PTDSS1: variants seen among roughly 807,000 people sequenced by gnomAD.
The protein encoded by PTDSS1 is phosphatidylserine synthase 1.
A neutral mutation model predicts 70.5 loss-of-function variants in PTDSS1; 45 were observed. The observed-to-expected ratio is 0.64, with a 90% CI of 0.50 to 0.82. The LOEUF (loss-of-function observed/expected upper bound fraction) is 0.82, where lower values mean the gene tolerates loss of function less well. PTDSS1 is among the 40% of genes least tolerant of loss of function. The pLI is 0.00. For missense variants in PTDSS1, 417 were observed against 586.1 expected (o/e 0.71, Z 2.98); for synonymous variants, 188 against 203.8 (o/e 0.92, Z 0.66).
intron 2 of PTDSS1, among the ~76,000 whole-genome samples, chr8:96,279,592 G>A (rs1810705119): frequency 6.6e-6 from 1 of 152,050 alleles, no homozygotes; most frequent in Non-Finnish European, 1.5e-5. Flanking sequence ...GCCAAGGTGG[G>A]TGGATCACTT....
intron 9 of PTDSS1, among the ~76,000 whole-genome samples, chr8:96,314,406 G>A (rs1201260848): frequency 1.4e-5 from 2 of 140,324 alleles, no homozygotes; most frequent in Non-Finnish European, 3.1e-5. Context: ...CTAGGGAGAG[G>A]GTGCAAACAC....
intron 2 of PTDSS1, among the ~76,000 whole-genome samples, chr8:96,279,181 A>G (rs1810696491): frequency 6.7e-6 from 1 of 149,510 alleles, no homozygotes; most frequent in Middle Eastern, 3.4e-3. Context: ...GGATTTCACT[A>G]TGCTGGCCAG....
At chr8:96,288,126 T>C (rs1810849695) in intron 4 of PTDSS1, among the ~76,000 whole-genome samples, 1 of 152,136 alleles carries the variant, frequency 6.6e-6, no homozygotes, top group South Asian at 2.1e-4. Flanking sequence ...TGCCGGCTTA[T>C]TGTAAAGGAC....
chr8:96,320,407 A>AG (rs1254274133), intron 10 of PTDSS1, 62 bp downstream of exon 10: 12 of 1,375,274 alleles, frequency 8.7e-6, no homozygotes, highest in South Asian at 1.2e-5. Context: ...CTTTAAACGG[A>AG]GGGGGGCAAA....
chr8:96,305,123 A>G (rs1279575179), intron 7 of PTDSS1, among the ~76,000 whole-genome samples: 2 of 152,218 alleles, frequency 1.3e-5, no homozygotes, highest in Non-Finnish European at 1.5e-5. Flanking sequence ...ATCAGGCCCA[A>G]TGTCACGGAA....
intron 7 of PTDSS1, among the ~76,000 whole-genome samples, chr8:96,304,747 C>G (rs1811099830): frequency 6.6e-6 from 1 of 152,184 alleles, no homozygotes; most frequent in Non-Finnish European, 1.5e-5. Flanking sequence ...AAAAGATTAT[C>G]AAGCATCTGT....
At chr8:96,326,742 C>T (rs1447900602) in intron 10 of PTDSS1, among the ~76,000 whole-genome samples, 1 of 152,170 alleles carries the variant, frequency 6.6e-6, no homozygotes, top group East Asian at 1.9e-4. Context: ...ATCTGTGTCT[C>T]ATGGGGAAAC....
intron 10 of PTDSS1, among the ~76,000 whole-genome samples, chr8:96,327,894 C>T (rs942826748): frequency 3.9e-5 from 6 of 152,182 alleles, no homozygotes; most frequent in African/African-American, 1.2e-4. Context: ...TGAGCCTTGA[C>T]ATTTTCAGTG....
At chr8:96,297,583 C>G (rs888032114) in intron 5 of PTDSS1, among the ~76,000 whole-genome samples, 19 of 152,200 alleles carry the variant, frequency 1.2e-4, no homozygotes, top group African/African-American at 4.3e-4. Flanking sequence ...CATTTTTGCC[C>G]TCAGTGCTGC....
At position 96,334,707 on chromosome 8, in the gene PTDSS1, GAC is replaced by G. The variant is rs1030634185; in HGVS notation, c.*1143_*1144del. The G allele has an allele frequency of 1.3e-5, 2 of 152,250 alleles. No individual in the cohort carries two copies. The allele number at this position is 152,250 out of a possible 1,614,324, so 9.4% of individuals were successfully genotyped here. On this transcript the variant is annotated 3_prime_UTR_variant, in exon 13 of 13. Coordinates refer to ENST00000517309, the MANE Select transcript of PTDSS1 (RefSeq NM_014754.3). ...AGATGTGTATTTTAAAGGGCTTACA[GAC>G]ATATATGTCCTACTTCTTAGACTAC...
At chr8:96,272,820 A>G (rs1273955900) in intron 1 of PTDSS1, among the ~76,000 whole-genome samples, 1 of 152,196 alleles carries the variant, frequency 6.6e-6, no homozygotes, top group Non-Finnish European at 1.5e-5. Flanking sequence ...ATGTGATGTC[A>G]GTCTGAATGA....
intron 10 of PTDSS1, among the ~76,000 whole-genome samples, chr8:96,324,558 T>C (rs1192444149): frequency 1.3e-5 from 2 of 152,076 alleles, no homozygotes; most frequent in Non-Finnish European, 2.9e-5. Flanking sequence ...CATCCCATGG[T>C]GGAAGGGCAG....
chr8:96,283,826 T>C (rs1810781409), intron 2 of PTDSS1: 1 of 368,786 alleles, frequency 2.7e-6, no homozygotes, highest in African/African-American at 2.1e-5. Context: ...TACAACATTG[T>C]TTCCATGGGA....
chr8:96,307,547 T>G (rs908199128), intron 8 of PTDSS1, among the ~76,000 whole-genome samples: 9 of 149,636 alleles, frequency 6.0e-5, no homozygotes, highest in African/African-American at 2.2e-4. Context: ...AGCCTAACAT[T>G]CCCATCTGTT....
intron 4 of PTDSS1, 29 bp from the exon 5 acceptor site, chr8:96,295,069 C>G (rs771059103): frequency 1.3e-6 from 2 of 1,570,828 alleles, no homozygotes; most frequent in Middle Eastern, 1.7e-4. Context: ...TAGAGTTTCA[C>G]TAATTATTCT....
chr8:96,287,237 C>T, intron 4 of PTDSS1, 91 bp downstream of exon 4: 1 of 1,504,760 alleles, frequency 6.6e-7, no homozygotes, highest in Admixed American at 1.9e-5. Context: ...ATTGTTCCTT[C>T]TCTGTATTTC....
chr8:96,315,966 A>G (rs1426848031), intron 9 of PTDSS1, among the ~76,000 whole-genome samples: 1 of 152,208 alleles, frequency 6.6e-6, no homozygotes. Flanking sequence ...GGCTTAATAC[A>G]GGCTCCCGCT....
chr8:96,314,184 A>G (rs1247838700), intron 9 of PTDSS1, among the ~76,000 whole-genome samples: 3 of 152,130 alleles, frequency 2.0e-5, no homozygotes, highest in Non-Finnish European at 2.9e-5. Flanking sequence ...AGCTGGGACT[A>G]TAGGCACACA....
chr8:96,296,252 C>T (rs1297297557), intron 5 of PTDSS1, among the ~76,000 whole-genome samples: 1 of 151,014 alleles, frequency 6.6e-6, no homozygotes, highest in African/African-American at 2.4e-5. Context: ...CATTCTCCTG[C>T]CTCAGCCTCC....
Sources: gnomAD v4.1 joint callset for allele counts (sites outside exome capture counted in the v4.1 genomes callset) on GRCh38, gnomAD v4.1.1 for gene constraint, MANE v1.5 for transcripts, NCBI Gene and HGNC (gene_info 2026-07-23, HGNC 2026-07-21) for gene names.